The following POU2AF2 variants were observed in gnomAD, a reference collection of about 807,000 sequenced individuals.
POU2AF2 encodes POU domain class 2-associating factor 2.
the POU2AF2 span, among the ~76,000 whole-genome samples, chr11:111,260,480 C>T: frequency 6.6e-6 from 1 of 152,174 alleles, no homozygotes; most frequent in African/African-American, 2.4e-5. Context: ...TCAGTATAAT[C>T]ACATGTATCC....
the POU2AF2 span, among the ~76,000 whole-genome samples, chr11:111,276,504 T>C: frequency 8.1e-6 from 1 of 123,886 alleles, no homozygotes; most frequent in African/African-American, 3.0e-5. Context: ...TAGCTGGACA[T>C]GGTGGCACAT....
chr11:111,281,274 C>A, the POU2AF2 span: 3 of 695,726 alleles, frequency 4.3e-6, no homozygotes, highest in African/African-American at 3.7e-5. Flanking sequence ...ACCTGAGGGT[C>A]AACCCAACTC....
the POU2AF2 span, among the ~76,000 whole-genome samples, chr11:111,257,567 G>T: frequency 6.6e-6 from 1 of 151,840 alleles, no homozygotes; most frequent in Non-Finnish European, 1.5e-5. Context: ...GTAGAGAAGG[G>T]GTTCCACTAT....
chr11:111,274,583 A>T, the POU2AF2 span, among the ~76,000 whole-genome samples: 8 of 151,554 alleles, frequency 5.3e-5, no homozygotes, highest in African/African-American at 1.9e-4. Context: ...AGAAAGAGAG[A>T]GAAAGAGACA....
chr11:111,270,188 G>A, the POU2AF2 span, among the ~76,000 whole-genome samples: 1 of 152,116 alleles, frequency 6.6e-6, no homozygotes, highest in Non-Finnish European at 1.5e-5. Flanking sequence ...ATTTGCTATG[G>A]CATTTTATTA....
chr11:111,281,251 T>C, the POU2AF2 span: 1 of 550,272 alleles, frequency 1.8e-6, no homozygotes, highest in Non-Finnish European at 3.1e-6. Context: ...ACTTGAATTC[T>C]TATTCTCAGT....
the POU2AF2 span, among the ~76,000 whole-genome samples, chr11:111,270,894 G>A: frequency 6.6e-6 from 1 of 152,098 alleles, no homozygotes; most frequent in South Asian, 2.1e-4. Context: ...CCTACTGAGG[G>A]CCATCAGACC....
the POU2AF2 span, among the ~76,000 whole-genome samples, chr11:111,268,489 TTTATTTTA>T: frequency 2.9e-4 from 14 of 48,714 alleles, 2 homozygotes; most frequent in South Asian, 2.1e-3. Context: ...TTTATTTTAT[TTTATTTTA>T]TTTTATTTTA....
the POU2AF2 span, among the ~76,000 whole-genome samples, chr11:111,249,551 C>G: frequency 6.6e-6 from 1 of 152,120 alleles, no homozygotes; most frequent in Non-Finnish European, 1.5e-5. Flanking sequence ...TCCCATGAAA[C>G]CCCAGAGAAA....
At chr11:111,280,057 A>AAAAAAAAAAAAAAAAATAT in the POU2AF2 span, among the ~76,000 whole-genome samples, 1 of 76,498 alleles carries the variant, frequency 1.3e-5, no homozygotes, top group African/African-American at 5.0e-5. Context: ...AAAAAAAAAA[A>AAAAAAAAAAAAAAAAATAT]ATATATATAT....
the POU2AF2 span, chr11:111,281,438 C>T: frequency 6.2e-7 from 1 of 1,613,644 alleles, no homozygotes; most frequent in South Asian, 1.1e-5. Flanking sequence ...GTGCAGATGC[C>T]AGGTGAGTAC....
the POU2AF2 span, among the ~76,000 whole-genome samples, chr11:111,256,535 T>A: frequency 6.6e-6 from 1 of 152,138 alleles, no homozygotes; most frequent in Non-Finnish European, 1.5e-5. Context: ...GGAACACCAG[T>A]AGAGAGGGGC....
the POU2AF2 span, among the ~76,000 whole-genome samples, chr11:111,278,042 T>C: frequency 6.6e-6 from 1 of 152,226 alleles, no homozygotes. Context: ...AGTTCCCTTC[T>C]GCCACTTAAA....
At chr11:111,256,068 G>A in the POU2AF2 span, 10 of 399,044 alleles carry the variant, frequency 2.5e-5, no homozygotes, top group Non-Finnish European at 4.0e-5. Context: ...AACGATCCGG[G>A]CAGACAAGTA....
the POU2AF2 span, among the ~76,000 whole-genome samples, chr11:111,268,489 TTTATTTTATTTTATTTTA>T: frequency 3.4e-3 from 164 of 48,580 alleles, 1 homozygote; most frequent in South Asian, 8.7e-3. Context: ...TTTATTTTAT[TTTATTTTATTTTATTTTA>T]TTTTATTTTA....
At chr11:111,257,415 A>C in the POU2AF2 span, among the ~76,000 whole-genome samples, 1 of 147,628 alleles carries the variant, frequency 6.8e-6, no homozygotes, top group Non-Finnish European at 1.5e-5. Context: ...GCTGGTGTGC[A>C]GTGGCGCAAT....
chr11:111,282,664 T>A, the POU2AF2 span, among the ~76,000 whole-genome samples: 1 of 152,180 alleles, frequency 6.6e-6, no homozygotes, highest in African/African-American at 2.4e-5. Flanking sequence ...AAGTGCCACA[T>A]CCTGTGGAAC....
the POU2AF2 span, among the ~76,000 whole-genome samples, chr11:111,249,056 C>G: frequency 6.6e-6 from 1 of 152,162 alleles, no homozygotes; most frequent in African/African-American, 2.4e-5. Flanking sequence ...TGCAAAAAAA[C>G]ATCTTTTTCC....
chr11:111,250,122 C>T, the POU2AF2 span, among the ~76,000 whole-genome samples: 3 of 152,118 alleles, frequency 2.0e-5, no homozygotes, highest in South Asian at 4.2e-4. Flanking sequence ...CCATCAAAAC[C>T]GACTCTTTCC....
Sources: allele counts gnomAD v4.1 joint callset (sites outside exome capture counted in the v4.1 genomes callset), GRCh38; gene constraint gnomAD v4.1.1; transcripts MANE v1.5; gene names NCBI Gene and HGNC (gene_info 2026-07-23, HGNC 2026-07-21).